The following MEF2C variants were observed in gnomAD, a reference collection of about 807,000 sequenced individuals.
The protein encoded by MEF2C is myocyte-specific enhancer factor 2C.
In MEF2C, 6 loss-of-function variants were observed where a neutral mutation model predicts 50.5. The ratio of observed to expected loss-of-function variants is 0.12; its 90% CI spans 0.07 to 0.23. The LOEUF is 0.23. MEF2C is among the 10% of genes least tolerant of loss of function. MEF2C has a pLI of 1.00. For synonymous variants in MEF2C, 183 were observed against 228.0 expected (o/e 0.80, Z 1.78); for missense variants, 276 against 605.0 (o/e 0.46, Z 5.70).
At chr5:88,894,388 A>G (rs1232004928) in intron 1 of MEF2C, among the ~76,000 whole-genome samples, 1 of 152,240 alleles carries the variant, frequency 6.6e-6, no homozygotes, top group African/African-American at 2.4e-5. Flanking sequence ...TTGTCCCACC[A>G]GAAAATATTT....
chr5:88,722,499 TCCACACACGG>T lies in MEF2C; in HGVS notation c.*95_*104del. The T allele has an allele frequency of 2.9e-6, 3 of 1,036,404 alleles. No homozygotes were observed. Among genetic ancestry groups the T allele is most frequent in the African/African-American group, 1.6e-5 (1 of 62,572 alleles). The allele number at this position is 1,036,404 out of a possible 1,614,324, so 64.2% of individuals were successfully genotyped here. A position where few individuals can be genotyped will look rare whatever the true frequency, so the allele number is the denominator to read the frequency against. On this transcript the variant is annotated 3_prime_UTR_variant, in exon 11 of 11. Coordinates refer to ENST00000504921, the MANE Select transcript of MEF2C (RefSeq NM_002397.5). Reference sequence around the variant, plus strand: ...AACAGAGTACCTGACTTTTTTTTTTTCCACACACGGCACATATAATGCATATCGACCCCCC... The same window carrying T: ...AACAGAGTACCTGACTTTTTTTTTTTCACATATAATGCATATCGACCCCCC...
chr5:88,857,623 G>C (rs1452193600), intron 1 of MEF2C, among the ~76,000 whole-genome samples: 1 of 152,042 alleles, frequency 6.6e-6, no homozygotes, highest in African/African-American at 2.4e-5. Context: ...AAATCATGGG[G>C]GTAGTTCCCC....
At chr5:88,875,980 T>G (rs1830930383) in intron 1 of MEF2C, among the ~76,000 whole-genome samples, 1 of 151,674 alleles carries the variant, frequency 6.6e-6, no homozygotes, top group African/African-American at 2.4e-5. Flanking sequence ...TTACAAAGAA[T>G]TAAAAGAGTT....
Position 88,767,447 on chromosome 5 carries a change from G to T in MEF2C, c.259-6119C>A, listed in dbSNP as rs188044959. Among the ~76,000 whole-genome samples, 22 of 152,160 alleles carry T rather than the reference G, an allele frequency of 1.4e-4. No homozygotes were observed. In the East Asian group the frequency reaches 3.5e-3, roughly 24 times the overall value. ...TAATATATTAAATCTAGTATAATCA[G>T]CAGGTAGACTTTAATTAGGCAAGCA... is the stretch of plus-strand genomic sequence containing the variant. On this transcript the variant is annotated intron_variant, in intron 3 of 10. Coordinates refer to ENST00000504921, the MANE Select transcript of MEF2C (RefSeq NM_002397.5).
chr5:88,743,574 A>G (rs1767902439), intron 6 of MEF2C: 1 of 978,024 alleles, frequency 1.0e-6, no homozygotes. Flanking sequence ...ATCATAAAAC[A>G]TTGCGTGTAA....
intron 3 of MEF2C, among the ~76,000 whole-genome samples, chr5:88,792,677 T>A: frequency 6.6e-6 from 1 of 152,204 alleles, no homozygotes; most frequent in East Asian, 1.9e-4. Context: ...TACTGAATGC[T>A]TGAAACATGA....
chr5:88,863,155 C>A (rs950028661), intron 1 of MEF2C, among the ~76,000 whole-genome samples: 1 of 152,224 alleles, frequency 6.6e-6, no homozygotes, highest in South Asian at 2.1e-4. Flanking sequence ...CCCAAAAGAG[C>A]TGAACATTCT....
chr5:88,752,945 T>C (rs986779108), intron 4 of MEF2C, among the ~76,000 whole-genome samples: 1 of 152,244 alleles, frequency 6.6e-6, no homozygotes, highest in Non-Finnish European at 1.5e-5. Context: ...TCATATGGTA[T>C]CAAAACATAT....
At chr5:88,735,509 C>G in intron 6 of MEF2C, 1 of 983,204 alleles carries the variant, frequency 1.0e-6, no homozygotes, top group Non-Finnish European at 1.2e-6. Flanking sequence ...GAAGTACAGA[C>G]CAACTTTAGA....
intron 3 of MEF2C, among the ~76,000 whole-genome samples, chr5:88,769,180 G>C (rs1244041856): frequency 6.6e-6 from 1 of 152,214 alleles, no homozygotes; most frequent in Non-Finnish European, 1.5e-5. Flanking sequence ...TTGTGAATGT[G>C]AGTCAGATAC....
At chr5:88,763,720 TCATAGC>T (rs372198698) in intron 3 of MEF2C, among the ~76,000 whole-genome samples, 100 of 151,728 alleles carry the variant, frequency 6.6e-4, no homozygotes, top group African/African-American at 2.3e-3. Context: ...TGTGGCGTGG[TCATAGC>T]TTACTGCAGC....
intron 1 of MEF2C, among the ~76,000 whole-genome samples, chr5:88,834,037 G>A (rs188014338): frequency 2.0e-5 from 3 of 152,090 alleles, no homozygotes; most frequent in Admixed American, 2.0e-4. Flanking sequence ...CTTTATCTGT[G>A]CAAAACTCCA....
intron 2 of MEF2C, among the ~76,000 whole-genome samples, chr5:88,823,233 T>C (rs950560845): frequency 1.3e-5 from 2 of 151,970 alleles, no homozygotes; most frequent in East Asian, 1.9e-4. Context: ...GTGTGGGTGT[T>C]TTCTTTGTTG....
chr5:88,822,838 G>C (rs759541473), intron 2 of MEF2C, among the ~76,000 whole-genome samples: 4 of 151,876 alleles, frequency 2.6e-5, no homozygotes, highest in Non-Finnish European at 5.9e-5. Context: ...GTCCAGAAAC[G>C]TCTTCTCTGC....
chr5:88,723,606 C>G (rs1297584934), intron 10 of MEF2C, among the ~76,000 whole-genome samples: 3 of 152,216 alleles, frequency 2.0e-5, no homozygotes, highest in Non-Finnish European at 4.4e-5. Flanking sequence ...AGACTTTCTA[C>G]TCCATTAAAA....
At chr5:88,762,371 G>A (rs1778258466) in intron 3 of MEF2C, among the ~76,000 whole-genome samples, 1 of 152,086 alleles carries the variant, frequency 6.6e-6, no homozygotes, top group South Asian at 2.1e-4. Context: ...TCTGCCTTCT[G>A]GGTTCAAGTG....
chr5:88,824,156 T>TTTAAATGACTTG, intron 1 of MEF2C: 1 of 937,124 alleles, frequency 1.1e-6, no homozygotes, highest in Non-Finnish European at 1.3e-6. Flanking sequence ...TAACAAGTCA[T>TTTAAATGACTTG]TTAAATGATG....
intron 3 of MEF2C, among the ~76,000 whole-genome samples, chr5:88,762,964 T>C (rs1327281953): frequency 6.6e-6 from 1 of 152,204 alleles, no homozygotes; most frequent in East Asian, 1.9e-4. Context: ...CTTAAAAATC[T>C]AAACTCCTTG....
At chr5:88,763,834 T>C (rs544140090) in intron 3 of MEF2C, among the ~76,000 whole-genome samples, 1 of 152,250 alleles carries the variant, frequency 6.6e-6, no homozygotes, top group African/African-American at 2.4e-5. Context: ...ATTATTTTTG[T>C]AGAATCAGGG....
Sources: gnomAD v4.1 joint callset for allele counts (sites outside exome capture counted in the v4.1 genomes callset) on GRCh38, gnomAD v4.1.1 for gene constraint, MANE v1.5 for transcripts, NCBI Gene and HGNC (gene_info 2026-07-23, HGNC 2026-07-21) for gene names.